HNRNPUL1: variants seen among roughly 807,000 people sequenced by gnomAD.
HNRNPUL1 encodes heterogeneous nuclear ribonucleoprotein U like 1.
In HNRNPUL1, 14 loss-of-function variants were observed where a neutral mutation model predicts 108.5. That is an observed-to-expected ratio of 0.13 (90% confidence interval 0.09 to 0.20). The LOEUF (loss-of-function observed/expected upper bound fraction) is 0.20, where lower values mean the gene tolerates loss of function less well. Ranked by LOEUF, HNRNPUL1 falls within the 10% of genes least tolerant of loss-of-function variation. The probability of loss-of-function intolerance (pLI) is 1.00; values close to 1 mark genes in which losing one functional copy is unlikely to be tolerated. For missense variants in HNRNPUL1, 804 were observed against 1,168.3 expected (o/e 0.69, Z 4.55); for synonymous variants, 422 against 445.2 (o/e 0.95, Z 0.66).
Position 41,304,280 on chromosome 19 carries a change from G to A in HNRNPUL1, c.2262+19G>A, listed in dbSNP as rs2037416256. 2 of 1,585,412 alleles carry A rather than the reference G, an allele frequency of 1.3e-6. No homozygotes were observed. The highest frequency in any genetic ancestry group is 2.2e-5 in the East Asian group (1 of 44,524). Reference sequence around the variant, plus strand: ...TCCACAGGTGAGAGAATGAGTGTGTGTTTGTATGTAGTGATCGCACGTGTG... The same window carrying A: ...TCCACAGGTGAGAGAATGAGTGTGTATTTGTATGTAGTGATCGCACGTGTG... On this transcript the variant is annotated intron_variant, in intron 13 of 14. Coordinates refer to ENST00000392006, the MANE Select transcript of HNRNPUL1 (RefSeq NM_007040.6).
At chr19:41,270,224 C>T (rs1176422897) in intron 2 of HNRNPUL1, among the ~76,000 whole-genome samples, 1 of 151,914 alleles carries the variant, frequency 6.6e-6, no homozygotes, top group Non-Finnish European at 1.5e-5. Flanking sequence ...CTCAGGTGAT[C>T]CGCCCGCCTC....
intron 14 of HNRNPUL1, among the ~76,000 whole-genome samples, 176 bp from the exon 15 acceptor site, chr19:41,306,273 C>G (rs1366546351): frequency 6.6e-6 from 1 of 152,250 alleles, no homozygotes; most frequent in Non-Finnish European, 1.5e-5. Context: ...CAGTCCCTAA[C>G]TGCCTACCTG....
At chr19:41,277,286 C>A (rs1017281297) in intron 5 of HNRNPUL1, among the ~76,000 whole-genome samples, 18 of 152,126 alleles carry the variant, frequency 1.2e-4, no homozygotes, top group African/African-American at 3.6e-4. Context: ...GCACAAGATA[C>A]AGCACCAAGC....
At chr19:41,296,302 A>G (rs2036891706) in intron 10 of HNRNPUL1, among the ~76,000 whole-genome samples, 2 of 152,180 alleles carry the variant, frequency 1.3e-5, no homozygotes, top group South Asian at 2.1e-4. Context: ...CTGAAGACCT[A>G]CTGTCAGCCT....
At chr19:41,268,529 G>A (rs995728266) in intron 2 of HNRNPUL1, among the ~76,000 whole-genome samples, 184 bp downstream of exon 2, 1 of 152,082 alleles carries the variant, frequency 6.6e-6, no homozygotes, top group Non-Finnish European at 1.5e-5. Context: ...TCCAAGTGTT[G>A]GGAGAGGGGA....
At position 41,306,900 on chromosome 19, in the gene HNRNPUL1, G is replaced by C; in HGVS notation, c.*335G>C. The C allele has an allele frequency of 5.4e-6, 1 of 185,040 alleles. No homozygotes were observed. The highest frequency in any genetic ancestry group is 1.1e-5 in the Non-Finnish European group (1 of 89,334). 11.5% of individuals were successfully genotyped at this position (185,040 alleles called of 1,614,324 possible). ...CATACAGTGAGGCTACAGTGACTGA[G>C]GGGAGAATCCCCTCCTGTTCACTCT... On this transcript the variant is annotated 3_prime_UTR_variant, in exon 15 of 15. Coordinates refer to ENST00000392006, the MANE Select transcript of HNRNPUL1 (RefSeq NM_007040.6).
intron 3 of HNRNPUL1, among the ~76,000 whole-genome samples, chr19:41,272,529 G>T (rs920727484): frequency 8.5e-5 from 13 of 152,136 alleles, no homozygotes; most frequent in Non-Finnish European, 1.3e-4. Flanking sequence ...CCTGCAGTCA[G>T]CTGCTTGATA....
intron 1 of HNRNPUL1, among the ~76,000 whole-genome samples, chr19:41,267,644 C>T (rs1452238826): frequency 6.6e-6 from 1 of 152,246 alleles, no homozygotes; most frequent in Non-Finnish European, 1.5e-5. Context: ...AGAATAGTCT[C>T]TCCTTCCCTT....
At chr19:41,265,856 G>C (rs1026042610) in intron 1 of HNRNPUL1, among the ~76,000 whole-genome samples, 1 of 152,062 alleles carries the variant, frequency 6.6e-6, no homozygotes, top group Non-Finnish European at 1.5e-5. Flanking sequence ...AATATGGGGA[G>C]GGGGGAGGCC....
intron 11 of HNRNPUL1, 180 bp downstream of exon 11, chr19:41,301,884 G>C (rs897634552): frequency 1.6e-6 from 1 of 616,712 alleles, no homozygotes; most frequent in Non-Finnish European, 2.7e-6. Context: ...CTACCCATCT[G>C]TCTTATGTTG....
chr19:41,302,361 G>A (rs1228778326), intron 11 of HNRNPUL1: 3 of 393,194 alleles, frequency 7.6e-6, no homozygotes, highest in African/African-American at 2.1e-5. Flanking sequence ...TGGGACTACA[G>A]GTGTCCACCA....
intron 10 of HNRNPUL1, among the ~76,000 whole-genome samples, chr19:41,296,760 T>A (rs1369477334): frequency 6.6e-6 from 1 of 152,176 alleles, no homozygotes; most frequent in East Asian, 1.9e-4. Flanking sequence ...CTGGGCTAGG[T>A]GGAATTTCCA....
chr19:41,305,239 TA>T (rs1407957608), intron 13 of HNRNPUL1, among the ~76,000 whole-genome samples: 1 of 152,224 alleles, frequency 6.6e-6, no homozygotes, highest in Non-Finnish European at 1.5e-5. Context: ...GGGAAGCACT[TA>T]GTCAATTGCC....
chr19:41,299,060 G>A (rs949315000), intron 10 of HNRNPUL1, among the ~76,000 whole-genome samples: 1 of 152,180 alleles, frequency 6.6e-6, no homozygotes, highest in Admixed American at 6.5e-5. Flanking sequence ...CAGATGCCAC[G>A]TTCTGCTTTG....
At chr19:41,264,103 A>G (rs190531546), upstream of HNRNPUL1, among the ~76,000 whole-genome samples, 32 of 152,270 alleles carry the variant, frequency 2.1e-4, no homozygotes, top group East Asian at 6.0e-3. Context: ...TTTTCATTGG[A>G]CCTTACGGCA....
At chr19:41,277,585 C>T (rs1323199269) in intron 5 of HNRNPUL1, among the ~76,000 whole-genome samples, 1 of 152,198 alleles carries the variant, frequency 6.6e-6, no homozygotes, top group East Asian at 1.9e-4. Flanking sequence ...CGGCTCACTG[C>T]AACCTCTGCC....
intron 2 of HNRNPUL1, among the ~76,000 whole-genome samples, chr19:41,268,719 A>G (rs903470527): frequency 5.3e-5 from 8 of 151,988 alleles, no homozygotes; most frequent in African/African-American, 1.7e-4. Context: ...TTAGCCAGGC[A>G]TGGTGGCAGG....
At chr19:41,306,164 G>T (rs1304612926) in intron 14 of HNRNPUL1, among the ~76,000 whole-genome samples, 1 of 152,210 alleles carries the variant, frequency 6.6e-6, no homozygotes, top group African/African-American at 2.4e-5. Flanking sequence ...TCCTGCTGCA[G>T]GTTGGTGCCC....
chr19:41,294,740 G>A lies in HNRNPUL1; in HGVS notation c.1518+54G>A, dbSNP rs1403656930. ...GGAGAAGGGAGGGGACCCCTTGCAT[G>A]CCTGAGAATCTCCCTCTGGTCCCTT... is the stretch of plus-strand genomic sequence containing the variant. On this transcript the variant is annotated intron_variant, in intron 10 of 14. Transcript: ENST00000392006. The surrounding 1 kb of genome is among the most constrained non-coding windows in gnomAD (Gnocchi z 4.3). 9 of 1,600,634 alleles carry A rather than the reference G, an allele frequency of 5.6e-6. No individual in the cohort carries two copies. In the East Asian group the frequency reaches 1.6e-4, roughly 28 times the overall value.
Sources: allele counts gnomAD v4.1 joint callset (sites outside exome capture counted in the v4.1 genomes callset), GRCh38; gene constraint gnomAD v4.1.1; non-coding constraint Gnocchi (gnomAD v3.1); transcripts MANE v1.5; gene names NCBI Gene and HGNC (gene_info 2026-07-23, HGNC 2026-07-21).